BORA: variants seen among roughly 807,000 people sequenced by gnomAD.
The protein encoded by BORA is BORA aurora kinase A activator.
A neutral mutation model predicts 55.8 loss-of-function variants in BORA; 26 were observed. The ratio of observed to expected loss-of-function variants is 0.47; its 90% confidence interval spans 0.34 to 0.65. The LOEUF is 0.65. Ranked by LOEUF, BORA falls within the 30% of genes least tolerant of loss-of-function variation. The pLI is 0.01. For missense variants in BORA, 568 were observed against 671.5 expected (o/e 0.85, Z 1.70); for synonymous variants, 201 against 216.9 (o/e 0.93, Z 0.64).
At chr13:72,738,117 C>A in intron 5 of BORA, 74 bp downstream of exon 5, 1 of 1,002,170 alleles carries the variant, frequency 1.0e-6, no homozygotes. Flanking sequence ...CATGAAGTGC[C>A]AGTATATCTG....
intron 1 of BORA, chr13:72,728,216 C>G (rs752791104): frequency 4.1e-6 from 3 of 738,676 alleles, no homozygotes; most frequent in Non-Finnish European, 7.2e-6. Context: ...CCGGCTGCAT[C>G]TCAACCTTCC....
At chr13:72,752,427 C>T (rs1445752970) in intron 10 of BORA, 1 of 152,212 alleles carries the variant, frequency 6.6e-6, no homozygotes, top group Non-Finnish European at 1.5e-5. Context: ...CTCATCAATC[C>T]TGCTCTTCCC....
intron 7 of BORA, among the ~76,000 whole-genome samples, 194 bp downstream of exon 7, chr13:72,744,755 T>C (rs2033107076): frequency 2.0e-5 from 3 of 152,222 alleles, no homozygotes; most frequent in Admixed American, 2.0e-4. Context: ...TTTATTACTA[T>C]AGACAGAAAC....
intron 2 of BORA, among the ~76,000 whole-genome samples, chr13:72,730,888 T>TAAAAAA (rs372986974): frequency 6.1e-5 from 3 of 49,000 alleles, no homozygotes; most frequent in East Asian, 1.1e-3. Flanking sequence ...CCATCTCTAC[T>TAAAAAA]AAAAAAAAAA....
At position 72,729,091 on chromosome 13, in the gene BORA, C is replaced by G. The variant is rs757353897; in HGVS notation, c.151C>G (p.Pro51Ala). The G allele has an allele frequency of 2.6e-6, 4 of 1,549,786 alleles. No individual in the cohort carries two copies. Among genetic ancestry groups the G allele is most frequent in the Non-Finnish European group, 3.5e-6 (4 of 1,154,038 alleles). The change falls in exon 2 of 12, where the codon CCA (proline) becomes GCA (alanine). Residue 51 changes from proline to alanine, a missense_variant and splice_region_variant. Pro to Ala is a conservative substitution (Grantham distance 27). Coordinates refer to ENST00000390667, the MANE Select transcript of BORA (RefSeq NM_024808.5). ...TTCTGTTTTTAAATCAACAAAATTA[C>G]CAGTAAGTTATTCCTGACTAGTGTT... ...SPSVFKSTKLPTPGKFRWSID... is the reference protein window; with the variant it reads ...SPSVFKSTKLATPGKFRWSID...
At chr13:72,750,454 T>G (rs536797109) in intron 10 of BORA, among the ~76,000 whole-genome samples, 2 of 152,196 alleles carry the variant, frequency 1.3e-5, no homozygotes, top group African/African-American at 4.8e-5. Flanking sequence ...CTTTTTGTAG[T>G]TTGCTTTTTT....
At chr13:72,739,899 T>C (rs1387548067) in intron 5 of BORA, among the ~76,000 whole-genome samples, 1 of 152,046 alleles carries the variant, frequency 6.6e-6, no homozygotes, top group African/African-American at 2.4e-5. Flanking sequence ...CAGGGCATTA[T>C]CCAAACAGAG....
intron 10 of BORA, chr13:72,753,355 T>C (rs747832619): frequency 4.0e-5 from 7 of 173,582 alleles, no homozygotes; most frequent in Admixed American, 1.2e-4. Context: ...GGAAAATGCG[T>C]TGGAAGGTGA....
intron 5 of BORA, among the ~76,000 whole-genome samples, chr13:72,739,844 G>C (rs989817237): frequency 6.6e-6 from 1 of 152,186 alleles, no homozygotes; most frequent in Non-Finnish European, 1.5e-5. Flanking sequence ...AGGGAGGTCA[G>C]GAAGAGAGAG....
chr13:72,731,065 C>G (rs1337358307), intron 2 of BORA, among the ~76,000 whole-genome samples: 3 of 152,004 alleles, frequency 2.0e-5, no homozygotes, highest in Non-Finnish European at 2.9e-5. Flanking sequence ...GAGACTCTGT[C>G]TTAAACAAAG....
chr13:72,755,943 G>T lies in BORA; in HGVS notation c.*727G>T. The T allele has an allele frequency of 2.5e-6, 1 of 398,612 alleles. No homozygotes were observed. The highest frequency in any genetic ancestry group is 4.4e-6 in the Non-Finnish European group (1 of 226,072). The allele number at this position is 398,612 out of a possible 1,614,324, so 24.7% of individuals were successfully genotyped here. Reference sequence around the variant, plus strand: ...CGTGGGTAGGGATGTGGGAGAATAAGAATGTGGGAGAACCAAGAGAAAAAG... The same window carrying T: ...CGTGGGTAGGGATGTGGGAGAATAATAATGTGGGAGAACCAAGAGAAAAAG... On this transcript the variant is annotated 3_prime_UTR_variant, in exon 12 of 12. Coordinates refer to ENST00000390667, the MANE Select transcript of BORA (RefSeq NM_024808.5).
chr13:72,734,900 TA>T, intron 3 of BORA, 59 bp from the exon 4 acceptor site: 1 of 1,269,658 alleles, frequency 7.9e-7, no homozygotes, highest in Non-Finnish European at 1.1e-6. Context: ...GGTTATTTTT[TA>T]AAATGTTCAA....
chr13:72,745,991 C>G lies in BORA; in HGVS notation c.786C>G (p.Ser262Arg). ...TTCAGGCTAGTGCAAAAAAATACAG[C>G]TTGGGAAGCATAACTAGTCCTTCGC... The part of the protein sequence containing the change: ...SPIQASAKKY[S>R]LGSITSPSPI... Residue 262 changes from serine to arginine, a missense_variant, in exon 9 of 12, where the codon AGC becomes AGG. By Grantham distance (110) the Ser-to-Arg change is moderately radical (BLOSUM62 -1). Coordinates refer to ENST00000390667, the MANE Select transcript of BORA (RefSeq NM_024808.5). The G allele has an allele frequency of 1.9e-6, 3 of 1,613,050 alleles. No individual in the cohort carries two copies. The highest frequency in any genetic ancestry group is 2.5e-6 in the Non-Finnish European group (3 of 1,179,172).
chr13:72,746,483 T>C lies in BORA; in HGVS notation c.872-18T>C. Reference sequence around the variant, plus strand: ...CATGTTTTTATGATGTGATTTTTTTTCCCTTCCCACCTTTCAGAACAAAGG... The same window carrying C: ...CATGTTTTTATGATGTGATTTTTTTCCCCTTCCCACCTTTCAGAACAAAGG... On this transcript the variant is annotated intron_variant, in intron 9 of 11. Coordinates refer to ENST00000390667, the MANE Select transcript of BORA (RefSeq NM_024808.5). 6.3e-7 allele frequency: 1 copy of C among 1,575,842 alleles called. No homozygotes were observed. Among genetic ancestry groups the C allele is most frequent in the Non-Finnish European group, 8.6e-7 (1 of 1,161,842 alleles).
chr13:72,736,014 C>T (rs1168913589), intron 4 of BORA, among the ~76,000 whole-genome samples: 4 of 152,020 alleles, frequency 2.6e-5, no homozygotes, highest in African/African-American at 4.8e-5. Context: ...CCCCTCAACC[C>T]TCCTCTGTTC....
rs753266386 is a variant in BORA at position 72,746,061 on chromosome 13, G to C, written c.856G>C (p.Glu286Gln). The change falls in exon 9 of 12, where the codon GAG (glutamate) becomes CAG (glutamine). Residue 286 changes from glutamate (E) to glutamine (Q), a missense_variant. Transcript: ENST00000390667. ...TFSPIEFQIG[E>Q]TPLSEQRKFT... is the part of the protein sequence containing the mutation. ...CTCACCAATTGAATTTCAGATAGGA[G>C]AGACTCCACTCTCAGGTATGTCTCA... 3 of 1,610,790 alleles carry C rather than the reference G, an allele frequency of 1.9e-6. No homozygotes were observed. The South Asian group carries it at 3.3e-5, about 18-fold the overall frequency.
chr13:72,752,643 G>C (rs1206471149), intron 10 of BORA: 1 of 152,186 alleles, frequency 6.6e-6, no homozygotes, highest in African/African-American at 2.4e-5. Context: ...TTGAATGATA[G>C]CAGAACAAGG....
chr13:72,754,147 A>C (rs2033367411), intron 11 of BORA: 1 of 184,048 alleles, frequency 5.4e-6, no homozygotes, highest in South Asian at 1.3e-4. Flanking sequence ...TTTATGTGCC[A>C]ATTTTTTTTG....
chr13:72,747,262 A>G (rs1465381021), intron 10 of BORA, 151 bp downstream of exon 10: 2 of 779,220 alleles, frequency 2.6e-6, no homozygotes, highest in Non-Finnish European at 3.7e-6. Flanking sequence ...AAGTGATATG[A>G]GAAGAGTAAA....
Sources: allele counts gnomAD v4.1 joint callset (sites outside exome capture counted in the v4.1 genomes callset), GRCh38; gene constraint gnomAD v4.1.1; transcripts MANE v1.5; gene names NCBI Gene and HGNC (gene_info 2026-07-23, HGNC 2026-07-21).